GPC5: variants seen among roughly 807,000 people sequenced by gnomAD.
GPC5 encodes the protein glypican 5.
Under a neutral mutation model 53.9 loss-of-function variants are expected in GPC5, and 47 were observed. That is an observed-to-expected ratio of 0.87 (90% CI 0.69 to 1.11). The LOEUF is 1.11. Ranked by LOEUF, GPC5 falls within the 50% of genes most tolerant of loss-of-function variation. The pLI is 0.00. For synonymous variants in GPC5, 286 were observed against 263.3 expected (o/e 1.09, Z -0.84); for missense variants, 748 against 713.1 (o/e 1.05, Z -0.56).
chr13:92,181,539 ATTG>A (rs1402865058), intron 7 of GPC5, among the ~76,000 whole-genome samples: 1 of 152,250 alleles, frequency 6.6e-6, no homozygotes, highest in East Asian at 1.9e-4. Flanking sequence ...CTGGGGTGAT[ATTG>A]TTAAGTTTTA....
At chr13:92,150,321 T>C (rs1207564168) in intron 7 of GPC5, among the ~76,000 whole-genome samples, 1 of 152,018 alleles carries the variant, frequency 6.6e-6, no homozygotes, top group Admixed American at 6.6e-5. Context: ...GCAAATCCAG[T>C]TTAATGTTCA....
chr13:91,972,790 T>C (rs1025496943), intron 6 of GPC5, among the ~76,000 whole-genome samples: 1 of 152,194 alleles, frequency 6.6e-6, no homozygotes, highest in Non-Finnish European at 1.5e-5. Flanking sequence ...TGTTGAATAT[T>C]GGCCCCCACT....
chr13:92,183,744 T>C (rs1168943708), intron 7 of GPC5, among the ~76,000 whole-genome samples: 1 of 152,118 alleles, frequency 6.6e-6, no homozygotes, highest in East Asian at 1.9e-4. Context: ...TTTGTGGTTT[T>C]TAAATCAAGT....
intron 7 of GPC5, among the ~76,000 whole-genome samples, chr13:92,269,901 A>G (rs1407559467): frequency 1.3e-5 from 2 of 152,120 alleles, no homozygotes; most frequent in Non-Finnish European, 2.9e-5. Context: ...AGCATTTCTC[A>G]TTTATGTTGC....
intron 2 of GPC5, among the ~76,000 whole-genome samples, chr13:91,549,864 C>T (rs1000367184): frequency 2.8e-4 from 42 of 152,232 alleles, no homozygotes; most frequent in African/African-American, 9.9e-4. Flanking sequence ...TCTTACAAAA[C>T]TAAGCATACT....
intron 7 of GPC5, among the ~76,000 whole-genome samples, chr13:92,613,060 A>C (rs1342559572): frequency 1.3e-5 from 2 of 151,174 alleles, no homozygotes; most frequent in Non-Finnish European, 2.9e-5. Context: ...GGAAGAGGAC[A>C]TCTAACTTTA....
At chr13:91,571,930 TACACAC>T (rs2031867698) in intron 2 of GPC5, among the ~76,000 whole-genome samples, 1 of 116,148 alleles carries the variant, frequency 8.6e-6, no homozygotes, top group African/African-American at 3.2e-5. Flanking sequence ...ATTGTATATA[TACACAC>T]ATGTATATAC....
intron 5 of GPC5, among the ~76,000 whole-genome samples, chr13:91,896,032 C>G (rs527798344): frequency 1.3e-5 from 2 of 152,084 alleles, no homozygotes; most frequent in Non-Finnish European, 2.9e-5. Context: ...ATGACCTCTG[C>G]CTCAGCCTTA....
At chr13:91,633,284 A>G (rs1480964529) in intron 2 of GPC5, among the ~76,000 whole-genome samples, 1 of 152,084 alleles carries the variant, frequency 6.6e-6, no homozygotes, top group Non-Finnish European at 1.5e-5. Context: ...TCTGACATAG[A>G]TGGATGTCAT....
chr13:92,739,799 T>C (rs1489771572), intron 7 of GPC5, among the ~76,000 whole-genome samples: 2 of 151,780 alleles, frequency 1.3e-5, no homozygotes, highest in Non-Finnish European at 2.9e-5. Context: ...TGATCCAACA[T>C]TCCTCTTTAG....
intron 4 of GPC5, among the ~76,000 whole-genome samples, chr13:91,729,358 A>ATG (rs372725706): frequency 1.2e-3 from 189 of 152,260 alleles, no homozygotes; most frequent in African/African-American, 4.4e-3. Flanking sequence ...AAATTATTAT[A>ATG]TGTGTGTGTG....
chr13:91,771,792 T>A (rs992711186), intron 5 of GPC5, among the ~76,000 whole-genome samples: 1 of 152,184 alleles, frequency 6.6e-6, no homozygotes, highest in Non-Finnish European at 1.5e-5. Flanking sequence ...CATATATTTT[T>A]ACAAAATACA....
At chr13:91,999,127 T>C (rs2040531374) in intron 6 of GPC5, among the ~76,000 whole-genome samples, 4 of 152,242 alleles carry the variant, frequency 2.6e-5, no homozygotes, top group Admixed American at 1.3e-4. Flanking sequence ...CTCTGTGGAA[T>C]CAGCTTTCCT....
At chr13:91,475,795 G>A (rs1011323522) in intron 2 of GPC5, among the ~76,000 whole-genome samples, 2 of 152,134 alleles carry the variant, frequency 1.3e-5, no homozygotes, top group South Asian at 2.1e-4. Context: ...GCTCAGAATT[G>A]GTACACGGTA....
intron 7 of GPC5, among the ~76,000 whole-genome samples, chr13:92,147,686 T>C (rs2041878299): frequency 6.6e-6 from 1 of 152,060 alleles, no homozygotes; most frequent in African/African-American, 2.4e-5. Flanking sequence ...TTAAGAGAGA[T>C]GATTTTTCAG....
chr13:91,490,031 C>T (rs1358182932), intron 2 of GPC5, among the ~76,000 whole-genome samples: 3 of 152,102 alleles, frequency 2.0e-5, no homozygotes, highest in Admixed American at 1.3e-4. Context: ...CCCACTTGTT[C>T]TGTATATTTA....
At chr13:92,138,879 T>A (rs2041806846) in intron 6 of GPC5, among the ~76,000 whole-genome samples, 1 of 152,030 alleles carries the variant, frequency 6.6e-6, no homozygotes, top group South Asian at 2.1e-4. Flanking sequence ...ACCTGATATC[T>A]CAGATCATGA....
chr13:91,832,312 T>G (rs2038670592), intron 5 of GPC5, among the ~76,000 whole-genome samples: 1 of 150,704 alleles, frequency 6.6e-6, no homozygotes, highest in African/African-American at 2.4e-5. Context: ...TTTTTTTTTT[T>G]TTTTTTGCTT....
chr13:92,052,908 C>T (rs1290133676), intron 6 of GPC5, among the ~76,000 whole-genome samples: 3 of 152,182 alleles, frequency 2.0e-5, no homozygotes, highest in Admixed American at 1.3e-4. Context: ...TCAAGGGTCC[C>T]GAAAAGCAAA....
Sources: allele counts gnomAD v4.1 joint callset (sites outside exome capture counted in the v4.1 genomes callset), GRCh38; gene constraint gnomAD v4.1.1; transcripts MANE v1.5; gene names NCBI Gene and HGNC (gene_info 2026-07-23, HGNC 2026-07-21).